The following PDLIM7 variants were observed in gnomAD, a reference collection of about 807,000 sequenced individuals.
The protein encoded by PDLIM7 is PDZ and LIM domain protein 7.
A neutral mutation model predicts 53.9 loss-of-function variants in PDLIM7; 37 were observed. That is an observed-to-expected ratio of 0.69 (90% CI 0.53 to 0.90). PDLIM7 has a LOEUF of 0.90. Among genes scored for constraint, PDLIM7 ranks in the 40% least tolerant of loss-of-function variants. PDLIM7 has a pLI of 0.00. For synonymous variants in PDLIM7, 300 were observed against 261.3 expected, an observed-to-expected ratio of 1.15 and a Z score of -1.43; for missense variants, 617 against 638.5, an observed-to-expected ratio of 0.97 and a Z score of 0.36.
At position 177,489,267 on chromosome 5, in the gene PDLIM7, C is replaced by G. The variant is rs904184728; in HGVS notation, c.869+126G>C. ...GGAGGACCCAGCCCAGGTCCCTACT[C>G]CTACTCCAGCTGAGAACTGAATCCT... On this transcript the variant is annotated intron_variant, in intron 9 of 12. Transcript: ENST00000355841. The G allele has an allele frequency of 1.1e-5, 8 of 761,676 alleles. No individual in the cohort carries two copies. In the East Asian group the frequency reaches 1.6e-4, roughly 16 times the overall value. 47.2% of individuals were successfully genotyped at this position (761,676 alleles called of 1,614,324 possible).
chr5:177,497,150 G>A (rs750667152), intron 1 of PDLIM7, among the ~76,000 whole-genome samples: 3 of 151,982 alleles, frequency 2.0e-5, no homozygotes, highest in East Asian at 3.9e-4. Context: ...CGGGAGTGGG[G>A]TGCGGCCCCT....
chr5:177,489,105 C>T (rs951725118), intron 9 of PDLIM7, among the ~76,000 whole-genome samples: 1 of 152,350 alleles, frequency 6.6e-6, no homozygotes, highest in African/African-American at 2.4e-5. Flanking sequence ...AGGGGGCAGG[C>T]CCCTCTTTGC....
In PDLIM7 at chr5:177,489,515, C is replaced by A. The variant is rs335462; in HGVS notation, c.747G>T (p.Pro249=). 6.2e-7 allele frequency: 1 copy of A among 1,607,982 alleles called. No homozygotes were observed. The highest frequency in any genetic ancestry group is 2.2e-5 in the East Asian group (1 of 44,668). ...TSTVLTRHSQ[P]ATPTPLQSRT... Reference sequence around the variant, plus strand: ...GGCTCTGCAGCGGCGTGGGCGTGGCCGGCTGGCTGTGCCGGGTCAGCACTG... The same window carrying A: ...GGCTCTGCAGCGGCGTGGGCGTGGCAGGCTGGCTGTGCCGGGTCAGCACTG... The change falls in exon 9 of 13, where the codon CCG becomes CCT. Residue 249 remains proline, a synonymous_variant. Coordinates refer to ENST00000355841, the MANE Select transcript of PDLIM7 (RefSeq NM_005451.5).
In PDLIM7 at chr5:177,483,662, A is replaced by T; in HGVS notation, c.1356T>A (p.His452Gln). The T allele has an allele frequency of 6.2e-6, 10 of 1,611,048 alleles. No individual in the cohort carries two copies. Among genetic ancestry groups the T allele is most frequent in the Non-Finnish European group, 8.5e-6 (10 of 1,177,410 alleles). ...SKKDRPLCKSHAFSHV is the reference protein window; with the variant it reads ...SKKDRPLCKSQAFSHV ...AAGGGGCTCACACATGAGAGAAGGC[A>T]TGGCTCTTGCAGAGAGGCCTGTCCT... Residue 452 changes from histidine (H) to glutamine (Q), a missense_variant, in exon 13 of 13, where the codon CAT (histidine) becomes CAA (glutamine). By Grantham distance (24) the His-to-Gln change is conservative (BLOSUM62 0). Transcript: ENST00000355841.
At position 177,484,084 on chromosome 5, in the gene PDLIM7, G is replaced by A; in HGVS notation, c.1157C>T (p.Pro386Leu). 6.2e-7 allele frequency: 1 copy of A among 1,613,966 alleles called. No individual in the cohort carries two copies. The highest frequency in any genetic ancestry group is 2.2e-5 in the East Asian group (1 of 44,874). ...NRAFYMEEGVPYCERDYEKMF... is the reference protein window; with the variant it reads ...NRAFYMEEGVLYCERDYEKMF... ...CCAGTGGGTACCTCGCTCGCAATAG[G>A]GCACGCCCTCCTCCATGTAGAAGGC... Residue 386 changes from proline to leucine, a missense_variant, in exon 11 of 13, where the codon CCC becomes CTC. Physicochemically the swap from Pro to Leu is moderately conservative, Grantham distance 98 (BLOSUM62 -3). Transcript: ENST00000355841.
At chr5:177,484,007 A>G in intron 11 of PDLIM7, 25 bp from the exon 12 acceptor site, 1 of 1,613,544 alleles carries the variant, frequency 6.2e-7, no homozygotes, top group Non-Finnish European at 8.5e-7. Flanking sequence ...AGAGAGAAAG[A>G]GGACCTGGAT....
At chr5:177,492,196 A>G (rs2127413947) in intron 4 of PDLIM7, 4 of 651,918 alleles carry the variant, frequency 6.1e-6, no homozygotes, top group South Asian at 5.9e-5. Flanking sequence ...GCGGACAGAC[A>G]GGCGGACAGA....
At chr5:177,493,856 C>A (rs1400894246) in intron 2 of PDLIM7, among the ~76,000 whole-genome samples, 1 of 152,106 alleles carries the variant, frequency 6.6e-6, no homozygotes, top group Non-Finnish European at 1.5e-5. Flanking sequence ...TGCCAGTGGC[C>A]CCAGGAGGCT....
At chr5:177,492,715 C>T (rs910985352) in intron 2 of PDLIM7, 38 bp from the exon 3 acceptor site, 38 of 1,584,284 alleles carry the variant, frequency 2.4e-5, no homozygotes, top group Non-Finnish European at 3.2e-5. Context: ...GGCCCTGGAC[C>T]CTGCAGACCC....
chr5:177,491,550 C>T (rs969359482), intron 5 of PDLIM7: 1 of 795,062 alleles, frequency 1.3e-6, no homozygotes, highest in Non-Finnish European at 2.1e-6. Context: ...TCAGCTGGCC[C>T]GACACCACAA....
At chr5:177,490,192 C>G in intron 7 of PDLIM7, 1 of 1,444,634 alleles carries the variant, frequency 6.9e-7, no homozygotes, top group Non-Finnish European at 9.1e-7. Context: ...ACGAAACACC[C>G]CCACACCCCA....
Position 177,483,469 on chromosome 5 carries a change from G to C in PDLIM7, c.*175C>G. On this transcript the variant is annotated 3_prime_UTR_variant, in exon 13 of 13. Coordinates refer to ENST00000355841, the MANE Select transcript of PDLIM7 (RefSeq NM_005451.5). ...GTGGCCAGCACCGGTGTGCTGTGGT[G>C]GTGGAGGGAGTGGGGTGGGAGGATA... The C allele has an allele frequency of 1.7e-6, 1 of 589,948 alleles. No individual in the cohort carries two copies. Among genetic ancestry groups the C allele is most frequent in the East Asian group, 2.8e-5 (1 of 35,808 alleles). 36.5% of individuals were successfully genotyped at this position (589,948 alleles called of 1,614,324 possible).
chr5:177,484,453 C>T (rs931950041), intron 10 of PDLIM7: 18 of 448,114 alleles, frequency 4.0e-5, no homozygotes, highest in African/African-American at 6.0e-5. Flanking sequence ...CCCCATCACG[C>T]GGATGGCAAC....
Position 177,489,541 on chromosome 5 carries a change from T to A in PDLIM7, c.721A>T (p.Thr241Ser). Residue 241 changes from threonine to serine, a missense_variant, in exon 9 of 13, where the codon ACA (threonine) becomes TCA (serine). Coordinates refer to ENST00000355841, the MANE Select transcript of PDLIM7 (RefSeq NM_005451.5). The part of the protein sequence containing the change: ...AERYAPDKTS[T>S]VLTRHSQPAT... ...GGCTGGCTGTGCCGGGTCAGCACTG[T>A]GCTCGTTTTGTCCGGGGCATAGCGC... The A allele has an allele frequency of 6.2e-7, 1 of 1,610,542 alleles. No homozygotes were observed. Among genetic ancestry groups the A allele is most frequent in the Non-Finnish European group, 8.5e-7 (1 of 1,179,144 alleles).
Position 177,489,808 on chromosome 5 carries a change from TG to T in PDLIM7, c.596del (p.Pro199GlnfsTer45). ...CCTGGGGTGTAGATGAGGCTGGGGCTGGGGCTTCTGTCCTGGGCACCTGGCT... is the reference window on the plus strand; with the variant it reads ...CCTGGGGTGTAGATGAGGCTGGGGCTGGGCTTCTGTCCTGGGCACCTGGCT... ...KSSQVPRTEA[P>X]APASSTPQEP... On this transcript the variant is annotated frameshift_variant, in exon 8 of 13. Transcript: ENST00000355841. LOFTEE classifies it high-confidence loss of function. The T allele has an allele frequency of 1.9e-6, 3 of 1,581,174 alleles. No homozygotes were observed. The highest frequency in any genetic ancestry group is 8.6e-7 in the Non-Finnish European group (1 of 1,165,176).
At chr5:177,484,418 C>A in intron 10 of PDLIM7, 2 of 542,996 alleles carry the variant, frequency 3.7e-6, no homozygotes, top group Non-Finnish European at 6.6e-6. Context: ...ATTCCCTCAC[C>A]CCAAACCTCT....
At chr5:177,487,737 G>C (rs1213891730) in intron 10 of PDLIM7, among the ~76,000 whole-genome samples, 1 of 152,260 alleles carries the variant, frequency 6.6e-6, no homozygotes, top group Admixed American at 6.5e-5. Context: ...GAGGACGCAT[G>C]AGACAGAGCA....
Position 177,491,152 on chromosome 5 carries a change from G to T in PDLIM7, c.399-6C>A. On this transcript the variant is annotated splice_polypyrimidine_tract_variant and splice_region_variant and intron_variant, in intron 5 of 12. Coordinates refer to ENST00000355841, the MANE Select transcript of PDLIM7 (RefSeq NM_005451.5). ...CCAGCGGTCGGAGCGGCTGTCTGTG[G>T]GGAGGGTGTGGCTCAGAACCCCACA... 1 of 1,602,286 alleles carries T rather than the reference G, an allele frequency of 6.2e-7. No individual in the cohort carries two copies. Among genetic ancestry groups the T allele is most frequent in the East Asian group, 2.2e-5 (1 of 44,654 alleles).
intron 7 of PDLIM7, chr5:177,490,073 G>A: frequency 6.5e-7 from 1 of 1,531,296 alleles, no homozygotes; most frequent in Non-Finnish European, 8.7e-7. Flanking sequence ...GGCAGCTCCT[G>A]GGGTTCCCCT....
Sources: gnomAD v4.1 joint callset for allele counts (sites outside exome capture counted in the v4.1 genomes callset) on GRCh38, gnomAD v4.1.1 for gene constraint, MANE v1.5 for transcripts, NCBI Gene and HGNC (gene_info 2026-07-23, HGNC 2026-07-21) for gene names.